The following ARB2A variants were observed in gnomAD, a reference collection of about 807,000 sequenced individuals.
The protein encoded by ARB2A is ARB2 cotranscriptional regulator A.
At chr5:94,013,787 G>A in the ARB2A span, among the ~76,000 whole-genome samples, 5 of 152,250 alleles carry the variant, frequency 3.3e-5, no homozygotes, top group South Asian at 1.0e-3. Flanking sequence ...ACACAGCACT[G>A]AGATTATCAC....
At chr5:93,801,876 C>T in the ARB2A span, among the ~76,000 whole-genome samples, 2 of 152,076 alleles carry the variant, frequency 1.3e-5, no homozygotes, top group Admixed American at 6.6e-5. Flanking sequence ...GTGGAATGGC[C>T]AGAACGAAGT....
chr5:93,844,548 T>A, the ARB2A span, among the ~76,000 whole-genome samples: 1 of 152,084 alleles, frequency 6.6e-6, no homozygotes, highest in Admixed American at 6.6e-5. Flanking sequence ...AGTAAAAAAA[T>A]TTGTATCTCA....
At chr5:94,079,054 T>C in the ARB2A span, among the ~76,000 whole-genome samples, 1 of 152,218 alleles carries the variant, frequency 6.6e-6, no homozygotes, top group South Asian at 2.1e-4. Flanking sequence ...AAAAACCTTT[T>C]AATATGCATC....
chr5:94,085,667 T>C, the ARB2A span, among the ~76,000 whole-genome samples: 1 of 152,128 alleles, frequency 6.6e-6, no homozygotes, highest in African/African-American at 2.4e-5. Flanking sequence ...AAGGCATGAA[T>C]ATCAAGAAGC....
At chr5:93,719,907 T>C in the ARB2A span, among the ~76,000 whole-genome samples, 9 of 152,216 alleles carry the variant, frequency 5.9e-5, 1 homozygote, top group Non-Finnish European at 1.2e-4. Context: ...TCATTTTCCT[T>C]ATGCTTACTT....
chr5:93,823,043 A>C, the ARB2A span, among the ~76,000 whole-genome samples: 1 of 152,178 alleles, frequency 6.6e-6, no homozygotes, highest in Non-Finnish European at 1.5e-5. Context: ...AAAGTCTAGA[A>C]ACATAAAAAT....
chr5:93,989,035 G>A, the ARB2A span, among the ~76,000 whole-genome samples: 1 of 152,102 alleles, frequency 6.6e-6, no homozygotes, highest in Non-Finnish European at 1.5e-5. Flanking sequence ...GAAATTAAAG[G>A]GCTATTAGTA....
the ARB2A span, among the ~76,000 whole-genome samples, chr5:93,906,634 T>G: frequency 6.6e-6 from 1 of 151,616 alleles, no homozygotes; most frequent in Non-Finnish European, 1.5e-5. Context: ...TCTTAGTATA[T>G]GCTAATGTTA....
the ARB2A span, among the ~76,000 whole-genome samples, chr5:93,807,428 A>G: frequency 6.6e-6 from 1 of 152,130 alleles, no homozygotes; most frequent in East Asian, 1.9e-4. Flanking sequence ...ACAAATTTGT[A>G]CTATTCATAT....
chr5:93,977,012 A>G, the ARB2A span, among the ~76,000 whole-genome samples: 5 of 145,326 alleles, frequency 3.4e-5, no homozygotes, highest in Non-Finnish European at 6.1e-5. Context: ...AATAGCCACT[A>G]AAAAAAAAAA....
chr5:93,666,503 C>CT, the ARB2A span, among the ~76,000 whole-genome samples: 2,310 of 139,504 alleles, frequency 0.017, 17 homozygotes, highest in Non-Finnish European at 0.022. Flanking sequence ...GTGCTATATC[C>CT]TTTTTTTTTT....
chr5:93,960,093 C>CA, the ARB2A span, among the ~76,000 whole-genome samples: 3 of 143,282 alleles, frequency 2.1e-5, no homozygotes, highest in African/African-American at 5.4e-5. Flanking sequence ...CCCCCCCCCC[C>CA]CCAAAAAAAG....
chr5:93,713,187 A>C, the ARB2A span, among the ~76,000 whole-genome samples: 1 of 152,220 alleles, frequency 6.6e-6, no homozygotes, highest in Non-Finnish European at 1.5e-5. Context: ...TCAGGCAATC[A>C]AAGCAAAAAT....
the ARB2A span, among the ~76,000 whole-genome samples, chr5:94,054,754 G>A: frequency 5.3e-5 from 8 of 152,114 alleles, no homozygotes; most frequent in African/African-American, 1.7e-4. Context: ...GAATTATTCT[G>A]TATGGAATAT....
At chr5:94,009,149 A>C in the ARB2A span, among the ~76,000 whole-genome samples, 1 of 152,134 alleles carries the variant, frequency 6.6e-6, no homozygotes, top group East Asian at 1.9e-4. Flanking sequence ...TTCAGAGAAT[A>C]ATGGCAAATG....
chr5:94,100,057 A>G, the ARB2A span, among the ~76,000 whole-genome samples: 10 of 152,226 alleles, frequency 6.6e-5, no homozygotes, highest in Admixed American at 1.3e-4. Context: ...TGAGCCCAAA[A>G]GCTCCTTCAG....
At chr5:93,751,645 T>C in the ARB2A span, among the ~76,000 whole-genome samples, 2 of 152,372 alleles carry the variant, frequency 1.3e-5, no homozygotes, top group South Asian at 4.1e-4. Context: ...ATTTGGCTTA[T>C]GTGTAGTGCC....
chr5:94,111,642 G>C, the ARB2A span: 1 of 152,278 alleles, frequency 6.6e-6, no homozygotes, highest in Non-Finnish European at 1.5e-5. Context: ...GACCAAGTTC[G>C]AGTTGCACTT....
the ARB2A span, among the ~76,000 whole-genome samples, chr5:93,761,189 G>C: frequency 5.3e-5 from 8 of 152,162 alleles, no homozygotes; most frequent in Non-Finnish European, 1.0e-4. Flanking sequence ...CAGCTCACTG[G>C]GGAGTGTCAG....
Sources: allele counts gnomAD v4.1 joint callset (sites outside exome capture counted in the v4.1 genomes callset), GRCh38; gene constraint gnomAD v4.1.1; transcripts MANE v1.5; gene names NCBI Gene and HGNC (gene_info 2026-07-23, HGNC 2026-07-21).